Variants in DNM2 observed in about 807,000 individuals in gnomAD.
DNM2 encodes the protein dynamin 2.
A neutral mutation model predicts 99.0 loss-of-function variants in DNM2; 15 were observed. The observed-to-expected ratio is 0.15, with a 90% CI of 0.10 to 0.23. The LOEUF is 0.23. DNM2 is among the 10% of genes least tolerant of loss of function. The pLI is 1.00. For synonymous variants in DNM2, 525 were observed against 481.2 expected (o/e 1.09, Z -1.19); for missense variants, 742 against 1,189.4 (o/e 0.62, Z 5.53).
chr19:10,802,146 C>A, intron 11 of DNM2, 142 bp from the exon 12 acceptor site: 1 of 791,128 alleles, frequency 1.3e-6, no homozygotes, highest in Non-Finnish European at 2.1e-6. Flanking sequence ...GTGGGGAGTG[C>A]GACGCCAGCC....
intron 1 of DNM2, among the ~76,000 whole-genome samples, chr19:10,732,581 T>C (rs981616085): frequency 1.3e-5 from 2 of 151,460 alleles, no homozygotes; most frequent in African/African-American, 2.4e-5. Flanking sequence ...GCCTGGGTGA[T>C]AGAGCGAGAC....
chr19:10,719,259 T>C (rs2068857147), intron 1 of DNM2, among the ~76,000 whole-genome samples: 1 of 152,114 alleles, frequency 6.6e-6, no homozygotes, highest in Non-Finnish European at 1.5e-5. Context: ...AGAACAGAGC[T>C]GAAGGAGGAG....
At position 10,722,728 on chromosome 19, in the gene DNM2, C is replaced by T. The variant is rs931840202; in HGVS notation, c.161+4325C>T. Among the ~76,000 whole-genome samples, 6 of 149,716 alleles carry T rather than the reference C, an allele frequency of 4.0e-5. No homozygotes were observed. In the East Asian group the frequency reaches 6.0e-4, roughly 15 times the overall value. On this transcript the variant is annotated intron_variant, in intron 1 of 20. Coordinates refer to ENST00000389253, the MANE Select transcript of DNM2 (RefSeq NM_001005361.3). ...GCAGCCTTGACCTCCTGGGCTCAAG[C>T]GATTCTCCTACCTCTCAGCCTCCTA...
At chr19:10,733,367 A>T (rs1392478235) in intron 1 of DNM2, among the ~76,000 whole-genome samples, 10 of 146,026 alleles carry the variant, frequency 6.8e-5, no homozygotes, top group Non-Finnish European at 1.4e-4. Flanking sequence ...TTTTTTTTTT[A>T]TTTTCGGTAG....
intron 13 of DNM2, among the ~76,000 whole-genome samples, chr19:10,807,967 A>G (rs2072409459): frequency 6.9e-6 from 1 of 145,426 alleles, no homozygotes; most frequent in South Asian, 2.5e-4. Context: ...ACATGGTGAA[A>G]CCCCGTCTCT....
intron 2 of DNM2, among the ~76,000 whole-genome samples, chr19:10,771,430 C>T (rs866406058): frequency 6.6e-6 from 1 of 152,296 alleles, no homozygotes. Flanking sequence ...GAAAACATTT[C>T]TCCTGGGGGA....
In DNM2 at chr19:10,817,105, C is replaced by T. The variant is rs993729195; in HGVS notation, c.1672-2875C>T. On this transcript the variant is annotated intron_variant, in intron 15 of 20. Transcript: ENST00000389253. This position sits in a 1 kb window ranked among gnomAD's most constrained non-coding sequence, Gnocchi z 4.6. ...CAGCAGGGACCCTTGGAGTCACACA[C>T]GTGGCAGCCACCCCTGAGGAGGAGG... Among the ~76,000 whole-genome samples the T allele has an allele frequency of 2.0e-5, 3 of 152,224 alleles. No individual in the cohort carries two copies. In the South Asian group the frequency reaches 6.2e-4, roughly 32 times the overall value.
At chr19:10,808,297 C>T (rs916051647) in intron 13 of DNM2, among the ~76,000 whole-genome samples, 1 of 152,284 alleles carries the variant, frequency 6.6e-6, no homozygotes, top group East Asian at 1.9e-4. Context: ...AGAACGTAAC[C>T]ATTGCATGAT....
intron 1 of DNM2, 67 bp from the exon 2 acceptor site, chr19:10,759,671 G>C: frequency 1.3e-6 from 2 of 1,597,312 alleles, no homozygotes; most frequent in Middle Eastern, 3.3e-4. Context: ...TCCACCACAT[G>C]TGGTCACACT....
Position 10,776,724 on chromosome 19 carries a change from AGTCGT to A in DNM2, c.590-390_590-386del, listed in dbSNP as rs566026917. 4.9e-4 allele frequency among the ~76,000 whole-genome samples: 74 copies of A among 152,370 alleles called. No individual in the cohort carries two copies. In the Middle Eastern group the frequency reaches 0.01, roughly 21 times the overall value. On this transcript the variant is annotated intron_variant, in intron 4 of 20. Coordinates refer to ENST00000389253, the MANE Select transcript of DNM2 (RefSeq NM_001005361.3). ...TCAGGCAAGAGGTAGTCCTGGAAAC[AGTCGT>A]GTCAAACTCAAATGTTCCCTTGGGA...
rs1471099089 is a variant in DNM2, at chr19:10,775,318, G to A, written c.386-385G>A. 6.6e-6 allele frequency among the ~76,000 whole-genome samples: 1 copy of A among 152,104 alleles called. No individual in the cohort carries two copies. Among genetic ancestry groups the A allele is most frequent in the African/African-American group, 2.4e-5 (1 of 41,414 alleles). ...GCTGGTCTAGAACTCCTGGCCTCAA[G>A]TGATCCACCCACCTCGGCCTCCCAA... is the stretch of plus-strand genomic sequence containing the variant. On this transcript the variant is annotated intron_variant, in intron 3 of 20. Coordinates refer to ENST00000389253, the MANE Select transcript of DNM2 (RefSeq NM_001005361.3). The surrounding 1 kb of genome is among the most constrained non-coding windows in gnomAD (Gnocchi z 4.3).
rs921639260 is a variant in DNM2 at position 10,818,835 on chromosome 19, G to T, written c.1672-1145G>T. Among the ~76,000 whole-genome samples the T allele has an allele frequency of 6.6e-6, 1 of 152,214 alleles. No homozygotes were observed. The highest frequency in any genetic ancestry group is 1.5e-5 in the Non-Finnish European group (1 of 68,040). Reference sequence around the variant, plus strand: ...ACAGAGACCTGGCCTCTGAAGTCCTGCTGTGGCTTGCGCTGCCTGCCGTGT... The same window carrying T: ...ACAGAGACCTGGCCTCTGAAGTCCTTCTGTGGCTTGCGCTGCCTGCCGTGT... On this transcript the variant is annotated intron_variant, in intron 15 of 20. Coordinates refer to ENST00000389253, the MANE Select transcript of DNM2 (RefSeq NM_001005361.3). This position sits in a 1 kb window ranked among gnomAD's most constrained non-coding sequence, Gnocchi z 4.3.
chr19:10,749,688 A>G (rs748016179), intron 1 of DNM2, among the ~76,000 whole-genome samples: 3 of 152,208 alleles, frequency 2.0e-5, no homozygotes, highest in African/African-American at 7.2e-5. Context: ...TACCCATTCA[A>G]CAAATACTTA....
chr19:10,831,876 CTAAAA>C lies in DNM2; in HGVS notation c.*834_*838del. ...CTGCACTCTGTATTCTATTAATAAA[CTAAAA>C]TAAAGGGAAGACGCTGCTGGTGGCT... On this transcript the variant is annotated 3_prime_UTR_variant, in exon 21 of 21. Coordinates refer to ENST00000389253, the MANE Select transcript of DNM2 (RefSeq NM_001005361.3). The surrounding 1 kb of genome is among the most constrained non-coding windows in gnomAD (Gnocchi z 4.3). 3.9e-6 allele frequency: 4 copies of C among 1,023,974 alleles called. No individual in the cohort carries two copies. Among genetic ancestry groups the C allele is most frequent in the Non-Finnish European group, 4.7e-6 (4 of 852,718 alleles). 63.4% of individuals were successfully genotyped at this position (1,023,974 alleles called of 1,614,324 possible).
At chr19:10,721,031 T>TGAG (rs2068921433) in intron 1 of DNM2, among the ~76,000 whole-genome samples, 1 of 152,168 alleles carries the variant, frequency 6.6e-6, no homozygotes, top group Non-Finnish European at 1.5e-5. Flanking sequence ...TCTCCCATCC[T>TGAG]TACCTCTCCT....
intron 13 of DNM2, among the ~76,000 whole-genome samples, chr19:10,807,220 T>C (rs1322121708): frequency 6.6e-6 from 1 of 151,798 alleles, no homozygotes; most frequent in Non-Finnish European, 1.5e-5. Context: ...TTACAGGTGC[T>C]CACCACAACA....
At chr19:10,822,548 G>A (rs1824066827) in intron 16 of DNM2, among the ~76,000 whole-genome samples, 1 of 151,638 alleles carries the variant, frequency 6.6e-6, no homozygotes, top group African/African-American at 2.4e-5. Context: ...CGCCCAGGCT[G>A]GAGACAGTGG....
intron 1 of DNM2, among the ~76,000 whole-genome samples, chr19:10,731,342 T>G (rs1033657940): frequency 1.3e-5 from 2 of 151,130 alleles, no homozygotes; most frequent in Non-Finnish European, 2.9e-5. Context: ...AGGTTGTTCT[T>G]TTCTTTTCCT....
In DNM2 at chr19:10,795,648, A is replaced by G. The variant is rs2146023966; in HGVS notation, c.1196+209A>G. The G allele has an allele frequency of 1.6e-6, 1 of 617,764 alleles. No homozygotes were observed. Among genetic ancestry groups the G allele is most frequent in the Non-Finnish European group, 2.9e-6 (1 of 347,834 alleles). The allele number at this position is 617,764 out of a possible 1,614,324, so 38.3% of individuals were successfully genotyped here. ...TAGTCCTGCGTCCATTGCAGGCTTC[A>G]GGGCTGTCTGCAGCTCCTGATCAAA... On this transcript the variant is annotated intron_variant, in intron 9 of 20. Transcript: ENST00000389253. The surrounding 1 kb of genome is among the most constrained non-coding windows in gnomAD (Gnocchi z 4.2).
Sources: allele counts gnomAD v4.1 joint callset (sites outside exome capture counted in the v4.1 genomes callset), GRCh38; gene constraint gnomAD v4.1.1; non-coding constraint Gnocchi (gnomAD v3.1); transcripts MANE v1.5; gene names NCBI Gene and HGNC (gene_info 2026-07-23, HGNC 2026-07-21).